HHAT: variants seen among roughly 807,000 people sequenced by gnomAD.
HHAT encodes the protein hedgehog acyltransferase.
HHAT carries 47 observed loss-of-function variants against 70.8 expected under a neutral mutation model. The ratio of observed to expected loss-of-function variants is 0.66; its 90% CI spans 0.53 to 0.85. The LOEUF is 0.85. HHAT is among the 40% of genes least tolerant of loss of function. The pLI is 0.00. For synonymous variants in HHAT, 228 were observed against 247.6 expected, an observed-to-expected ratio of 0.92 and a Z score of 0.74; for missense variants, 609 against 604.8, an observed-to-expected ratio of 1.01 and a Z score of -0.07.
intron 1 of HHAT, among the ~76,000 whole-genome samples, chr1:210,336,642 G>T (rs986816826): frequency 1.3e-5 from 2 of 151,986 alleles, no homozygotes; most frequent in African/African-American, 2.4e-5. Context: ...AAATTAGCAG[G>T]GGGTGGTGAT....
intron 10 of HHAT, among the ~76,000 whole-genome samples, chr1:210,611,147 A>G (rs1309540267): frequency 6.6e-6 from 1 of 152,232 alleles, no homozygotes. Context: ...ATCCATGAGC[A>G]TGGAACGTTC....
At position 210,418,141 on chromosome 1, in the gene HHAT, G is replaced by A; in HGVS notation, c.685-13G>A. 1 of 1,613,980 alleles carries A rather than the reference G, an allele frequency of 6.2e-7. No homozygotes were observed. ...AAGGCACCATCGAATGACCTCTTTT[G>A]TTTCCACTTTAGATGCAGCAGCAGG... On this transcript the variant is annotated splice_polypyrimidine_tract_variant and intron_variant, in intron 6 of 11. Transcript: ENST00000261458.
chr1:210,579,831 A>G (rs2148763511), intron 9 of HHAT, among the ~76,000 whole-genome samples: 1 of 152,280 alleles, frequency 6.6e-6, no homozygotes, highest in East Asian at 1.9e-4. Flanking sequence ...TCTGTGAGAA[A>G]GATAGAGCTT....
chr1:210,617,413 A>G (rs933657830), intron 10 of HHAT, among the ~76,000 whole-genome samples: 3 of 152,232 alleles, frequency 2.0e-5, no homozygotes, highest in Admixed American at 6.5e-5. Context: ...AGGCTAGAGT[A>G]TGACCAGTCA....
intron 11 of HHAT, among the ~76,000 whole-genome samples, chr1:210,652,299 T>C (rs1253253995): frequency 6.6e-6 from 1 of 152,166 alleles, no homozygotes; most frequent in East Asian, 1.9e-4. Context: ...AGAGTGAAAA[T>C]AGAAGTAGCA....
At chr1:210,390,358 T>C (rs1477803188) in intron 4 of HHAT, among the ~76,000 whole-genome samples, 1 of 152,176 alleles carries the variant, frequency 6.6e-6, no homozygotes, top group Non-Finnish European at 1.5e-5. Context: ...GCAAAGAGCA[T>C]TACTAGTGAC....
chr1:210,566,246 G>T (rs893363842), intron 9 of HHAT, among the ~76,000 whole-genome samples: 2 of 152,122 alleles, frequency 1.3e-5, no homozygotes, highest in Non-Finnish European at 2.9e-5. Flanking sequence ...TAAAAAGCTA[G>T]AAAATATTAA....
chr1:210,581,336 G>A (rs10779538), intron 9 of HHAT, among the ~76,000 whole-genome samples: 142,719 of 152,278 alleles, frequency 0.94, 67,207 homozygotes, highest in South Asian at 0.98. Context: ...ATCACTGGCT[G>A]TGAGAAAGAA....
chr1:210,346,816 G>C (rs1348193334), intron 1 of HHAT, among the ~76,000 whole-genome samples: 2 of 152,226 alleles, frequency 1.3e-5, no homozygotes, highest in African/African-American at 4.8e-5. Flanking sequence ...GGCATTAATG[G>C]GATTGGCCAT....
At chr1:210,657,461 C>T (rs1313118436) in intron 11 of HHAT, among the ~76,000 whole-genome samples, 1 of 152,168 alleles carries the variant, frequency 6.6e-6, no homozygotes, top group Non-Finnish European at 1.5e-5. Context: ...CTTCCCCTTC[C>T]AGAGCAGTGG....
intron 10 of HHAT, among the ~76,000 whole-genome samples, chr1:210,609,987 T>C (rs749414719): frequency 6.6e-6 from 1 of 152,200 alleles, no homozygotes; most frequent in Non-Finnish European, 1.5e-5. Flanking sequence ...TGTGCAAGTA[T>C]CTTTATAATA....
chr1:210,461,733 A>C (rs2148429293), intron 7 of HHAT, among the ~76,000 whole-genome samples: 1 of 152,376 alleles, frequency 6.6e-6, no homozygotes, highest in Non-Finnish European at 1.5e-5. Flanking sequence ...TTTAAATTTA[A>C]TAATGCTTTA....
chr1:210,534,324 A>G (rs2095347528), intron 9 of HHAT, among the ~76,000 whole-genome samples: 1 of 152,180 alleles, frequency 6.6e-6, no homozygotes, highest in African/African-American at 2.4e-5. Flanking sequence ...AACTTTGGCT[A>G]CCTGAGGATG....
chr1:210,367,677 C>G (rs1052938662), intron 3 of HHAT, among the ~76,000 whole-genome samples: 3 of 152,132 alleles, frequency 2.0e-5, no homozygotes, highest in African/African-American at 7.2e-5. Context: ...CTGTAGTCCT[C>G]CAGTTTTTGA....
chr1:210,491,607 A>G (rs1275161756), intron 8 of HHAT, among the ~76,000 whole-genome samples: 1 of 151,902 alleles, frequency 6.6e-6, no homozygotes, highest in African/African-American at 2.4e-5. Context: ...GTTCTAACAC[A>G]TACTAAACAC....
intron 10 of HHAT, among the ~76,000 whole-genome samples, chr1:210,598,828 T>G (rs1355225955): frequency 6.6e-6 from 1 of 152,204 alleles, no homozygotes; most frequent in East Asian, 1.9e-4. Context: ...AGGTGAGTTT[T>G]TATGTGTAGC....
At chr1:210,621,358 A>AGT (rs1050645661) in intron 10 of HHAT, among the ~76,000 whole-genome samples, 78 of 152,290 alleles carry the variant, frequency 5.1e-4, no homozygotes, top group African/African-American at 1.8e-3. Context: ...TGTCAGACTC[A>AGT]GTGGATCCCT....
At chr1:210,657,200 C>A (rs962887426) in intron 11 of HHAT, among the ~76,000 whole-genome samples, 4 of 152,220 alleles carry the variant, frequency 2.6e-5, no homozygotes, top group Non-Finnish European at 5.9e-5. Flanking sequence ...GCACCACAGG[C>A]ACAGCCTGGC....
chr1:210,662,993 C>T (rs566686419), intron 11 of HHAT, among the ~76,000 whole-genome samples: 17 of 152,280 alleles, frequency 1.1e-4, no homozygotes, highest in African/African-American at 4.1e-4. Flanking sequence ...GTGGTCCCAG[C>T]TGCCCCTTCC....
Sources: gnomAD v4.1 joint callset for allele counts (sites outside exome capture counted in the v4.1 genomes callset) on GRCh38, gnomAD v4.1.1 for gene constraint, MANE v1.5 for transcripts, NCBI Gene and HGNC (gene_info 2026-07-23, HGNC 2026-07-21) for gene names.